The following XKR6 variants were observed in gnomAD, a reference collection of about 807,000 sequenced individuals.
XKR6 encodes XK related 6, also known as XK-related protein 6.
Under a neutral mutation model 56.7 loss-of-function variants are expected in XKR6, and 22 were observed. That is an observed-to-expected ratio of 0.39 (90% CI 0.28 to 0.55). XKR6 has a LOEUF of 0.55. Ranked by LOEUF, XKR6 falls within the 20% of genes least tolerant of loss-of-function variation. XKR6 has a pLI of 0.66. For missense variants in XKR6, 852 were observed against 889.0 expected (o/e 0.96, Z 0.53); for synonymous variants, 524 against 387.8 (o/e 1.35, Z -4.13).
intron 1 of XKR6, among the ~76,000 whole-genome samples, chr8:11,126,525 T>A (rs1002360815): frequency 6.6e-6 from 1 of 152,182 alleles, no homozygotes; most frequent in Non-Finnish European, 1.5e-5. Context: ...AGATTCAAAC[T>A]TACAAAACGC....
At chr8:11,123,775 A>C in intron 1 of XKR6, 1 of 433,894 alleles carries the variant, frequency 2.3e-6, no homozygotes, top group Non-Finnish European at 4.7e-6. Context: ...AATGAAAAAC[A>C]AAAAAGTCTC....
At chr8:11,177,834 C>T (rs1156250878) in intron 1 of XKR6, among the ~76,000 whole-genome samples, 1 of 152,218 alleles carries the variant, frequency 6.6e-6, no homozygotes, top group Non-Finnish European at 1.5e-5. Flanking sequence ...TGAGAGAATA[C>T]ATTTCTGTTG....
In XKR6 at chr8:11,200,120, C is replaced by T. The variant is rs1301171882; in HGVS notation, c.764+456G>A. The stretch of plus-strand genomic sequence containing the variant: ...GTTTTTCCACAGGGCCCCACGCAGG[C>T]CACTGCAGAGGGAGAACGGGGGAAG... On this transcript the variant is annotated intron_variant, in intron 1 of 2. Coordinates refer to ENST00000416569, the MANE Select transcript of XKR6 (RefSeq NM_173683.4). The surrounding 1 kb of genome is among the most constrained non-coding windows in gnomAD (Gnocchi z 6.4). Among the ~76,000 whole-genome samples, 1 of 152,194 alleles carries T rather than the reference C, an allele frequency of 6.6e-6. No homozygotes were observed. Among genetic ancestry groups the T allele is most frequent in the African/African-American group, 2.4e-5 (1 of 41,456 alleles).
intron 1 of XKR6, chr8:11,104,682 C>A (rs913368155): frequency 6.6e-6 from 1 of 152,198 alleles, no homozygotes; most frequent in Non-Finnish European, 1.5e-5. Flanking sequence ...CCAGTTATAA[C>A]CATTGCATCA....
chr8:11,101,249 A>G (rs1402492329), intron 1 of XKR6, among the ~76,000 whole-genome samples: 3 of 152,222 alleles, frequency 2.0e-5, no homozygotes, highest in African/African-American at 7.2e-5. Context: ...AGAGTCAAAA[A>G]TTGGAAAGAA....
At chr8:10,922,254 G>A (rs556311016) in intron 2 of XKR6, among the ~76,000 whole-genome samples, 62 of 152,346 alleles carry the variant, frequency 4.1e-4, no homozygotes, top group African/African-American at 1.5e-3. Flanking sequence ...GAAAAAGAAG[G>A]ACTCAGATGG....
At chr8:11,109,868 G>C (rs899806964) in intron 1 of XKR6, 9 of 152,244 alleles carry the variant, frequency 5.9e-5, no homozygotes, top group African/African-American at 2.2e-4. Context: ...CAGAATAAAA[G>C]TTTCTAAAAG....
chr8:10,949,614 C>T (rs1586343570), intron 1 of XKR6, among the ~76,000 whole-genome samples: 2 of 152,262 alleles, frequency 1.3e-5, no homozygotes, highest in African/African-American at 4.8e-5. Context: ...AGTGCCCTAA[C>T]AGGGGAATGT....
intron 1 of XKR6, among the ~76,000 whole-genome samples, chr8:11,195,781 T>G (rs1803851915): frequency 6.6e-6 from 1 of 151,878 alleles, no homozygotes; most frequent in Non-Finnish European, 1.5e-5. Context: ...CCTGAGTAGC[T>G]GGGACTACAG....
intron 1 of XKR6, among the ~76,000 whole-genome samples, chr8:11,138,935 AAC>A (rs1353359823): frequency 1.9e-4 from 28 of 151,044 alleles, no homozygotes; most frequent in Admixed American, 1.1e-3. Flanking sequence ...AAAAAAAAAA[AAC>A]CTGACCTCAA....
intron 1 of XKR6, among the ~76,000 whole-genome samples, chr8:11,142,023 CAA>C (rs61218279): frequency 1.7e-4 from 17 of 99,344 alleles, no homozygotes; most frequent in Admixed American, 3.2e-4. Context: ...TACTACATTC[CAA>C]AAAAAAAAAA....
chr8:11,016,066 C>A (rs978527155), intron 1 of XKR6, among the ~76,000 whole-genome samples: 6 of 152,178 alleles, frequency 3.9e-5, no homozygotes, highest in African/African-American at 1.2e-4. Flanking sequence ...TTCCACTGCG[C>A]CCCCACAAGC....
chr8:10,960,249 G>C (rs559308015), intron 1 of XKR6, among the ~76,000 whole-genome samples: 1 of 151,468 alleles, frequency 6.6e-6, no homozygotes. Flanking sequence ...TAGCAGGTAG[G>C]TGCAGGTATA....
At chr8:11,164,998 A>G (rs1801997788) in intron 1 of XKR6, among the ~76,000 whole-genome samples, 1 of 151,864 alleles carries the variant, frequency 6.6e-6, no homozygotes, top group South Asian at 2.1e-4. Flanking sequence ...AACCAGAGGT[A>G]CCAACAGGGT....
chr8:10,911,990 A>AAT lies in XKR6; in HGVS notation c.961+12642_961+12643dup, dbSNP rs373930538. ...CACATATATATGGAGAAAGAGAGAG[A>AAT]ATATATATATATATAGAGAGAGAGA... On this transcript the variant is annotated intron_variant, in intron 2 of 2. Transcript: ENST00000416569. 2.9e-4 allele frequency among the ~76,000 whole-genome samples: 41 copies of AAT among 139,168 alleles called. 1 individual carries two copies. Among genetic ancestry groups the AAT allele is most frequent in the African/African-American group, 9.4e-4 (35 of 37,418 alleles). The allele number at this position is 139,168 out of a possible 152,430, so 91.3% of individuals were successfully genotyped here. A position where few individuals can be genotyped will look rare whatever the true frequency, so the allele number is the denominator to read the frequency against.
intron 1 of XKR6, among the ~76,000 whole-genome samples, chr8:11,001,394 G>T (rs1051761745): frequency 2.0e-5 from 3 of 152,154 alleles, no homozygotes; most frequent in African/African-American, 7.2e-5. Context: ...CTGCTCTGAG[G>T]CACCCTCAAA....
intron 1 of XKR6, among the ~76,000 whole-genome samples, chr8:11,062,443 T>C (rs1456934143): frequency 6.6e-6 from 1 of 152,144 alleles, no homozygotes; most frequent in Non-Finnish European, 1.5e-5. Context: ...CCTAGTAAGA[T>C]CTTATAAATC....
intron 1 of XKR6, among the ~76,000 whole-genome samples, chr8:11,174,581 A>T (rs1006758645): frequency 1.3e-5 from 2 of 152,232 alleles, no homozygotes; most frequent in Non-Finnish European, 2.9e-5. Context: ...TAATTATTAG[A>T]AGATTATTAT....
At chr8:11,023,806 C>G (rs745403301) in intron 1 of XKR6, among the ~76,000 whole-genome samples, 2 of 152,218 alleles carry the variant, frequency 1.3e-5, no homozygotes, top group Non-Finnish European at 2.9e-5. Flanking sequence ...TGCTGACTGT[C>G]CCCTCCTGAA....
Sources: allele counts gnomAD v4.1 joint callset (sites outside exome capture counted in the v4.1 genomes callset), GRCh38; gene constraint gnomAD v4.1.1; non-coding constraint Gnocchi (gnomAD v3.1); transcripts MANE v1.5; gene names NCBI Gene and HGNC (gene_info 2026-07-23, HGNC 2026-07-21).